Variants in CEP85L observed in about 807,000 individuals in gnomAD.
CEP85L encodes the protein centrosomal protein 85L.
A neutral mutation model predicts 100.3 loss-of-function variants in CEP85L; 60 were observed. That is an observed-to-expected ratio of 0.60 (90% CI 0.49 to 0.74). The LOEUF (loss-of-function observed/expected upper bound fraction) is 0.74, where lower values mean the gene tolerates loss of function less well. Among genes scored for constraint, CEP85L ranks in the 30% least tolerant of loss-of-function variants. CEP85L has a pLI of 0.00. For missense variants in CEP85L, 973 were observed against 936.2 expected, an observed-to-expected ratio of 1.04 and a Z score of -0.51; for synonymous variants, 319 against 322.7, an observed-to-expected ratio of 0.99 and a Z score of 0.12.
At chr6:118,545,319 G>A (rs1226893143) in intron 3 of CEP85L, among the ~76,000 whole-genome samples, 1 of 152,188 alleles carries the variant, frequency 6.6e-6, no homozygotes, top group Non-Finnish European at 1.5e-5. Flanking sequence ...GCTGGGCGCG[G>A]TGGCTCACGC....
intron 1 of CEP85L, among the ~76,000 whole-genome samples, chr6:118,646,063 G>A (rs527740626): frequency 4.0e-5 from 6 of 151,820 alleles, no homozygotes; most frequent in African/African-American, 9.7e-5. Flanking sequence ...CTAAAAATAC[G>A]AAAATTAGCC....
Position 118,566,013 on chromosome 6 carries a change from G to A in CEP85L, c.536C>T (p.Ser179Leu), listed in dbSNP as rs1265058799. 6.2e-7 allele frequency: 1 copy of A among 1,614,130 alleles called. No individual in the cohort carries two copies. The highest frequency in any genetic ancestry group is 1.3e-5 in the African/African-American group (1 of 75,026). ...CCCTATCTTCTCCAAACCATTCCTT[G>A]ACTCTTCTCTGCATACAGTGCCACC... The part of the protein sequence containing the change: ...GQGGTVCREE[S>L]RNGLEKIGKA... The change falls in exon 3 of 13, where the codon TCA becomes TTA. Residue 179 changes from serine (S) to leucine (L), a missense_variant. Ser to Leu is a moderately radical substitution (Grantham distance 145). Around this residue, in one of 3 missense-constraint regions of CEP85L, gnomAD observed 890 missense variants for 844.5 expected, o/e 1.05. Coordinates refer to ENST00000368491, the MANE Select transcript of CEP85L (RefSeq NM_001042475.3).
intron 1 of CEP85L, among the ~76,000 whole-genome samples, chr6:118,702,970 T>C (rs1777465252): frequency 7.5e-6 from 1 of 133,720 alleles, no homozygotes; most frequent in Non-Finnish European, 1.5e-5. Flanking sequence ...CACTCCAGCC[T>C]GGGCGACAAA....
chr6:118,697,310 TG>T (rs1184210530), intron 1 of CEP85L, among the ~76,000 whole-genome samples: 3 of 152,354 alleles, frequency 2.0e-5, no homozygotes, highest in African/African-American at 7.2e-5. Context: ...TGTCTTCGTA[TG>T]ATAGTCCCAT....
intron 1 of CEP85L, among the ~76,000 whole-genome samples, chr6:118,676,272 T>A (rs1211276143): frequency 6.6e-6 from 1 of 152,180 alleles, no homozygotes; most frequent in African/African-American, 2.4e-5. Flanking sequence ...ATTACTGAAA[T>A]TTATTCCTCC....
intron 6 of CEP85L, among the ~76,000 whole-genome samples, chr6:118,486,100 G>A (rs888109424): frequency 2.0e-5 from 3 of 152,104 alleles, no homozygotes; most frequent in African/African-American, 7.2e-5. Context: ...TTATTTGTTG[G>A]TCACATGTTG....
At chr6:118,574,072 C>G (rs1780068834) in intron 2 of CEP85L, 1 of 152,178 alleles carries the variant, frequency 6.6e-6, no homozygotes, top group African/African-American at 2.4e-5. Context: ...GTACACAGCC[C>G]TTCCTGCTCA....
intron 1 of CEP85L, among the ~76,000 whole-genome samples, chr6:118,699,612 A>T (rs2114352860): frequency 6.6e-6 from 1 of 152,250 alleles, no homozygotes; most frequent in South Asian, 2.1e-4. Flanking sequence ...TATATGTAAA[A>T]GATTTCTGGA....
intron 5 of CEP85L, among the ~76,000 whole-genome samples, chr6:118,495,415 G>A (rs557247749): frequency 1.8e-4 from 28 of 152,202 alleles, no homozygotes; most frequent in African/African-American, 6.0e-4. Context: ...CCATGCTACC[G>A]TTCTCGTGAT....
chr6:118,501,649 A>G, intron 5 of CEP85L: 1 of 645,650 alleles, frequency 1.5e-6, no homozygotes, highest in Non-Finnish European at 2.9e-6. Flanking sequence ...CTTATTATAA[A>G]GCTGCAAAGA....
chr6:118,666,538 A>G (rs1293582905), intron 1 of CEP85L, among the ~76,000 whole-genome samples: 1 of 152,172 alleles, frequency 6.6e-6, no homozygotes, highest in African/African-American at 2.4e-5. Context: ...CAGGGGCATT[A>G]GCTCATTCAA....
chr6:118,601,758 G>A (rs1348323322), intron 2 of CEP85L, among the ~76,000 whole-genome samples: 4 of 152,126 alleles, frequency 2.6e-5, no homozygotes, highest in East Asian at 1.9e-4. Flanking sequence ...ACTTCCTGAC[G>A]TTGCCATAGC....
intron 2 of CEP85L, among the ~76,000 whole-genome samples, chr6:118,609,529 T>C (rs1328029593): frequency 6.6e-6 from 1 of 152,186 alleles, no homozygotes; most frequent in Admixed American, 6.5e-5. Context: ...CTTACACCTA[T>C]ATGACAACAG....
At chr6:118,633,466 A>G (rs1774302810) in intron 1 of CEP85L, among the ~76,000 whole-genome samples, 1 of 152,150 alleles carries the variant, frequency 6.6e-6, no homozygotes, top group Non-Finnish European at 1.5e-5. Context: ...CGCCTCCCAA[A>G]GTGCTGGGAT....
chr6:118,598,115 C>G (rs868551001), intron 2 of CEP85L, among the ~76,000 whole-genome samples: 23 of 152,192 alleles, frequency 1.5e-4, no homozygotes, highest in African/African-American at 5.5e-4. Context: ...CTAAGAAAAT[C>G]TCAGAGCATC....
At chr6:118,516,979 C>T (rs60752825) in intron 4 of CEP85L, among the ~76,000 whole-genome samples, 1,929 of 152,256 alleles carry the variant, frequency 0.013, 52 homozygotes, top group African/African-American at 0.044. Context: ...AGCCAGTTTT[C>T]CCAACACCAT....
intron 2 of CEP85L, among the ~76,000 whole-genome samples, chr6:118,598,728 G>GA (rs1207046701): frequency 6.6e-6 from 1 of 152,162 alleles, no homozygotes; most frequent in East Asian, 1.9e-4. Context: ...AAAACTGTGA[G>GA]AAAAAATATT....
Position 118,460,978 on chromosome 6 carries a change from T to A in CEP85L, c.*4427A>T, listed in dbSNP as rs1226532688. On this transcript the variant is annotated 3_prime_UTR_variant, in exon 13 of 13. Transcript: ENST00000368491. ...CCCTTTACAAAAAAAGAGGCAAGAATGATAGATCAGAAGGCATAAGCCAAC... is the reference window on the plus strand; with the variant it reads ...CCCTTTACAAAAAAAGAGGCAAGAAAGATAGATCAGAAGGCATAAGCCAAC... 2 of 150,528 alleles carry A rather than the reference T, an allele frequency of 1.3e-5. No homozygotes were observed. The highest frequency in any genetic ancestry group is 4.9e-5 in the African/African-American group (2 of 41,112). 9.3% of individuals were successfully genotyped at this position (150,528 alleles called of 1,614,324 possible). A position where few individuals can be genotyped will look rare whatever the true frequency, so the allele number is the denominator to read the frequency against.
chr6:118,704,678 C>T (rs558178691), intron 1 of CEP85L, among the ~76,000 whole-genome samples: 1 of 152,218 alleles, frequency 6.6e-6, no homozygotes, highest in South Asian at 2.1e-4. Flanking sequence ...ACCACGTTGG[C>T]CAGGCTGGTC....
Sources: allele counts gnomAD v4.1 joint callset (sites outside exome capture counted in the v4.1 genomes callset), GRCh38; gene constraint gnomAD v4.1.1; regional missense constraint gnomAD v4.1.1; transcripts MANE v1.5; gene names NCBI Gene and HGNC (gene_info 2026-07-23, HGNC 2026-07-21).